Variants in HCN1 observed in about 807,000 individuals in gnomAD.
HCN1 encodes potassium/sodium hyperpolarization-activated cyclic nucleotide-gated channel 1.
Under a neutral mutation model 78.9 loss-of-function variants are expected in HCN1, and 13 were observed. The observed-to-expected ratio is 0.16, with a 90% CI of 0.11 to 0.26. The LOEUF (loss-of-function observed/expected upper bound fraction) is 0.26, where lower values mean the gene tolerates loss of function less well. HCN1 is among the 10% of genes least tolerant of loss of function. The pLI is 1.00. For missense variants in HCN1, 810 were observed against 1,154.3 expected (o/e 0.70, Z 4.32); for synonymous variants, 552 against 455.5 (o/e 1.21, Z -2.70).
chr5:45,690,084 C>A (rs1464696602), intron 1 of HCN1, among the ~76,000 whole-genome samples: 2 of 151,966 alleles, frequency 1.3e-5, no homozygotes, highest in Non-Finnish European at 2.9e-5. Flanking sequence ...ATGTTTGTTG[C>A]AGCACTTTTT....
chr5:45,445,857 C>T (rs1439605196), intron 3 of HCN1, among the ~76,000 whole-genome samples: 1 of 152,064 alleles, frequency 6.6e-6, no homozygotes, highest in African/African-American at 2.4e-5. Context: ...CTAACAAACA[C>T]AAAGGACATG....
chr5:45,345,582 C>A (rs1269843312), intron 5 of HCN1, among the ~76,000 whole-genome samples: 2 of 152,206 alleles, frequency 1.3e-5, no homozygotes, highest in Non-Finnish European at 2.9e-5. Flanking sequence ...ATCTCTATGG[C>A]AGGGGCAAAA....
chr5:45,607,997 A>T (rs1744756771), intron 2 of HCN1, among the ~76,000 whole-genome samples: 1 of 151,948 alleles, frequency 6.6e-6, no homozygotes, highest in South Asian at 2.1e-4. Flanking sequence ...AAAACACATT[A>T]TTAGAATTAA....
intron 5 of HCN1, among the ~76,000 whole-genome samples, chr5:45,307,295 C>A (rs542578840): frequency 6.6e-6 from 1 of 152,214 alleles, no homozygotes; most frequent in Non-Finnish European, 1.5e-5. Context: ...CATATAAGCA[C>A]TCCTGCCTCA....
chr5:45,531,823 T>C (rs148629561), intron 2 of HCN1, among the ~76,000 whole-genome samples: 2 of 152,278 alleles, frequency 1.3e-5, no homozygotes, highest in East Asian at 3.9e-4. Context: ...GCGGATTGCC[T>C]GAGCACAGGA....
chr5:45,614,482 C>A (rs551619173), intron 2 of HCN1, among the ~76,000 whole-genome samples: 5 of 152,144 alleles, frequency 3.3e-5, no homozygotes, highest in African/African-American at 1.2e-4. Context: ...AAAGGAGACA[C>A]AAAAAGAAAG....
chr5:45,602,611 T>C (rs192411880), intron 2 of HCN1, among the ~76,000 whole-genome samples: 1 of 152,256 alleles, frequency 6.6e-6, no homozygotes, highest in East Asian at 1.9e-4. Flanking sequence ...GTTGAGAATA[T>C]TGCTGCTTCT....
chr5:45,618,815 A>G (rs1745002735), intron 2 of HCN1, among the ~76,000 whole-genome samples: 1 of 152,014 alleles, frequency 6.6e-6, no homozygotes, highest in Admixed American at 6.6e-5. Flanking sequence ...TGCAGTTGAG[A>G]CTGATCAAAA....
intron 2 of HCN1, among the ~76,000 whole-genome samples, chr5:45,566,037 A>G (rs935719292): frequency 1.3e-5 from 2 of 152,170 alleles, no homozygotes; most frequent in African/African-American, 2.4e-5. Context: ...CTAATTAGTC[A>G]TGGTTCTCTT....
At chr5:45,563,171 C>T (rs542469100) in intron 2 of HCN1, among the ~76,000 whole-genome samples, 3 of 151,944 alleles carry the variant, frequency 2.0e-5, no homozygotes, top group Admixed American at 6.6e-5. Context: ...TAGTGAAGGC[C>T]GGGTGCGGTG....
chr5:45,418,004 T>C (rs1187448141), intron 3 of HCN1, among the ~76,000 whole-genome samples: 1 of 151,908 alleles, frequency 6.6e-6, no homozygotes, highest in African/African-American at 2.4e-5. Flanking sequence ...ATGGAATGTC[T>C]CTTATTAGAA....
At chr5:45,555,034 GA>G (rs1172563368) in intron 2 of HCN1, among the ~76,000 whole-genome samples, 1 of 151,724 alleles carries the variant, frequency 6.6e-6, no homozygotes, top group African/African-American at 2.4e-5. Flanking sequence ...AATATTCTAG[GA>G]AATTATTGCT....
At chr5:45,275,691 C>G (rs1160113073) in intron 6 of HCN1, among the ~76,000 whole-genome samples, 3 of 152,092 alleles carry the variant, frequency 2.0e-5, no homozygotes, top group Non-Finnish European at 4.4e-5. Flanking sequence ...ACTGATATTA[C>G]AGATATGTTA....
intron 2 of HCN1, among the ~76,000 whole-genome samples, chr5:45,545,580 G>A (rs1014666093): frequency 1.3e-5 from 2 of 152,150 alleles, no homozygotes; most frequent in Non-Finnish European, 2.9e-5. Flanking sequence ...TATGGTTTTA[G>A]GTCTAACATG....
At chr5:45,611,269 C>CTTT (rs1054830050) in intron 2 of HCN1, among the ~76,000 whole-genome samples, 23 of 113,730 alleles carry the variant, frequency 2.0e-4, no homozygotes, top group African/African-American at 2.5e-4. Flanking sequence ...TTATCTTTTT[C>CTTT]TTTTTTTTTT....
At position 45,257,204 on chromosome 5, in the gene HCN1, CA is replaced by C. The variant is rs1744633016; in HGVS notation, c.*4716del. On this transcript the variant is annotated 3_prime_UTR_variant, in exon 8 of 8. Coordinates refer to ENST00000303230, the MANE Select transcript of HCN1 (RefSeq NM_021072.4). ...AAGCTTAAATTAAGAATATAAAGTA[CA>C]ACACTGTAAAACCTTTGCCCTGATG... is the stretch of plus-strand genomic sequence containing the variant. 1 of 152,156 alleles carries C rather than the reference CA, an allele frequency of 6.6e-6. No individual in the cohort carries two copies. The highest frequency in any genetic ancestry group is 2.4e-5 in the African/African-American group (1 of 41,434). The allele number at this position is 152,156 out of a possible 1,614,324, so 9.4% of individuals were successfully genotyped here.
chr5:45,524,543 T>C (rs1273911250), intron 2 of HCN1, among the ~76,000 whole-genome samples: 1 of 152,174 alleles, frequency 6.6e-6, no homozygotes, highest in Non-Finnish European at 1.5e-5. Context: ...TGAGCAGTGG[T>C]TTGTAGTTCT....
At chr5:45,264,917 G>A (rs186890407) in intron 7 of HCN1, among the ~76,000 whole-genome samples, 1 of 152,260 alleles carries the variant, frequency 6.6e-6, no homozygotes, top group East Asian at 1.9e-4. Context: ...CAGGCTGGGC[G>A]CGGTGGCTCA....
chr5:45,664,967 A>G (rs1746005984), intron 1 of HCN1, among the ~76,000 whole-genome samples: 1 of 151,856 alleles, frequency 6.6e-6, no homozygotes, highest in Non-Finnish European at 1.5e-5. Context: ...CCAAAGGACT[A>G]TAAATCATGC....
Sources: allele counts gnomAD v4.1 joint callset (sites outside exome capture counted in the v4.1 genomes callset), GRCh38; gene constraint gnomAD v4.1.1; transcripts MANE v1.5; gene names NCBI Gene and HGNC (gene_info 2026-07-23, HGNC 2026-07-21).